The following TARBP1 variants were observed in gnomAD, a reference collection of about 807,000 sequenced individuals.
The protein encoded by TARBP1 is tRNA guanosine 2 -O-methyltransferase TARBP1, also known as tRNA (guanosine(18)-2'-O)-methyltransferase TARBP1.
Under a neutral mutation model 178.6 loss-of-function variants are expected in TARBP1, and 144 were observed. The ratio of observed to expected loss-of-function variants is 0.81; its 90% CI spans 0.70 to 0.93. TARBP1 has a LOEUF of 0.93. Ranked by LOEUF, TARBP1 falls within the 40% of genes least tolerant of loss-of-function variation. The pLI is 0.00. For missense variants in TARBP1, 2,067 were observed against 2,011.7 expected, an observed-to-expected ratio of 1.03 and a Z score of -0.53; for synonymous variants, 787 against 781.0, an observed-to-expected ratio of 1.01 and a Z score of -0.13.
intron 9 of TARBP1, among the ~76,000 whole-genome samples, chr1:234,455,366 G>T (rs1295711553): frequency 6.6e-6 from 1 of 152,104 alleles, no homozygotes; most frequent in East Asian, 1.9e-4. Context: ...CATTTATTGT[G>T]GCATTGTCTG....
At chr1:234,454,209 A>G (rs916488398) in intron 9 of TARBP1, among the ~76,000 whole-genome samples, 2 of 152,232 alleles carry the variant, frequency 1.3e-5, no homozygotes, top group Non-Finnish European at 2.9e-5. Context: ...TCCAGCTGGA[A>G]TAGAGTCCAC....
At chr1:234,404,230 C>CT (rs1466488023) in intron 24 of TARBP1, among the ~76,000 whole-genome samples, 1 of 152,114 alleles carries the variant, frequency 6.6e-6, no homozygotes, top group Non-Finnish European at 1.5e-5. Flanking sequence ...AAATGCCTAT[C>CT]TGCGTGTTAA....
rs1002944968 is a variant in TARBP1 at position 234,426,197 on chromosome 1, T to C, written c.3324-404A>G. On this transcript the variant is annotated intron_variant, in intron 19 of 29. Coordinates refer to ENST00000040877, the MANE Select transcript of TARBP1 (RefSeq NM_005646.4). ...ACACGTCAATGGCCTGTCTCTACCATGCACTATCGGTGCACATTCTCCAAC... is the reference window on the plus strand; with the variant it reads ...ACACGTCAATGGCCTGTCTCTACCACGCACTATCGGTGCACATTCTCCAAC... Among the ~76,000 whole-genome samples, 3 of 152,354 alleles carry C rather than the reference T, an allele frequency of 2.0e-5. No homozygotes were observed. The South Asian group carries it at 6.2e-4, about 32-fold the overall frequency.
Position 234,429,261 on chromosome 1 carries a change from A to G in TARBP1, c.2935T>C (p.Ser979Pro), listed in dbSNP as rs1254056084. The G allele has an allele frequency of 1.2e-5, 20 of 1,605,686 alleles. No individual in the cohort carries two copies. Among genetic ancestry groups the G allele is most frequent in the Non-Finnish European group, 1.7e-5 (20 of 1,178,082 alleles). The change falls in exon 17 of 30, where the codon TCT (serine) becomes CCT (proline). Residue 979 changes from serine to proline, a missense_variant. By Grantham distance (74) the Ser-to-Pro change is moderately conservative. Transcript: ENST00000040877. ...SFDMAWKIIS[S>P]LSNTQLIFWA... ...AATATCAGCTGAGTGTTGCTTAAAGAAGATATAATTTTCCACGCCATGTCA... is the reference window on the plus strand; with the variant it reads ...AATATCAGCTGAGTGTTGCTTAAAGGAGATATAATTTTCCACGCCATGTCA...
chr1:234,400,578 G>C (rs1200658209), intron 25 of TARBP1, among the ~76,000 whole-genome samples: 1 of 152,078 alleles, frequency 6.6e-6, no homozygotes, highest in African/African-American at 2.4e-5. Context: ...TTAAATTCAA[G>C]GGCAGCACAT....
intron 17 of TARBP1, 35 bp downstream of exon 17, chr1:234,429,101 G>A (rs764813571): frequency 2.0e-6 from 3 of 1,521,628 alleles, no homozygotes; most frequent in Non-Finnish European, 2.6e-6. Flanking sequence ...TCACACACAT[G>A]AAAAGAAAAG....
At position 234,406,004 on chromosome 1, in the gene TARBP1, TTTC is replaced by T; in HGVS notation, c.3885_3887del (p.Lys1296del). 3 of 1,613,926 alleles carry T rather than the reference TTTC, an allele frequency of 1.9e-6. No individual in the cohort carries two copies. The highest frequency in any genetic ancestry group is 2.5e-6 in the Non-Finnish European group (3 of 1,179,974). On this transcript the variant is annotated inframe_deletion, in exon 24 of 30. Transcript: ENST00000040877. The stretch of plus-strand genomic sequence containing the variant: ...TTAACACTTTACACACAGTCCAGAG[TTTC>T]TTAAGAGCAACTAAAGCATACAGTC...
chr1:234,448,510 A>G lies in TARBP1; in HGVS notation c.1931T>C (p.Val644Ala), dbSNP rs1666410690. The G allele has an allele frequency of 6.2e-7, 1 of 1,613,932 alleles. No individual in the cohort carries two copies. The highest frequency in any genetic ancestry group is 1.7e-5 in the Admixed American group (1 of 59,996). ...CTGAGTCTTCATTCCTTCCACATCC[A>G]CAGCCAGCAAGACCATCAGAGAAAC... ...KLVSLMVLLA[V>A]DVEGMKTQYS... Residue 644 changes from valine to alanine, a missense_variant, in exon 11 of 30, where the codon GTG becomes GCG. Coordinates refer to ENST00000040877, the MANE Select transcript of TARBP1 (RefSeq NM_005646.4).
At chr1:234,405,555 T>C (rs965997938) in intron 24 of TARBP1, 3 of 209,620 alleles carry the variant, frequency 1.4e-5, no homozygotes, top group Non-Finnish European at 2.9e-5. Flanking sequence ...AGATTAAAAG[T>C]ATGTCTTTAA....
chr1:234,448,305 CT>C (rs1377928665), intron 11 of TARBP1, among the ~76,000 whole-genome samples, 174 bp downstream of exon 11: 10 of 152,202 alleles, frequency 6.6e-5, no homozygotes, highest in African/African-American at 2.4e-4. Context: ...TAATATGCCC[CT>C]ATTCCTATTT....
Position 234,463,870 on chromosome 1 carries a change from T to C in TARBP1, c.1366A>G (p.Thr456Ala), listed in dbSNP as rs763282646. 3.7e-5 allele frequency: 59 copies of C among 1,595,656 alleles called. No homozygotes were observed. The South Asian group carries it at 6.7e-4, about 18-fold the overall frequency. The change falls in exon 6 of 30, where the codon ACT (threonine) becomes GCT (alanine). Residue 456 changes from threonine (T) to alanine (A), a missense_variant. By Grantham distance (58) the Thr-to-Ala change is moderately conservative. Transcript: ENST00000040877. ...TCTTCTGGAAGAAGAGAAATATAAGTGACTAAAAACTTCTGTAATTTCAGT... is the reference window on the plus strand; with the variant it reads ...TCTTCTGGAAGAAGAGAAATATAAGCGACTAAAAACTTCTGTAATTTCAGT... ...LGLKLQKFLV[T>A]YISLLPEEIK... is the part of the protein sequence containing the mutation.
At chr1:234,461,051 G>T (rs12126005) in intron 6 of TARBP1, among the ~76,000 whole-genome samples, 1 of 152,116 alleles carries the variant, frequency 6.6e-6, no homozygotes, top group African/African-American at 2.4e-5. Context: ...AATGAGAAGC[G>T]ACTATTAACA....
Position 234,467,611 on chromosome 1 carries a change from TA to T in TARBP1, c.1138del (p.Tyr380IlefsTer43). 1 of 1,608,524 alleles carries T rather than the reference TA, an allele frequency of 6.2e-7. No homozygotes were observed. The highest frequency in any genetic ancestry group is 8.5e-7 in the Non-Finnish European group (1 of 1,178,576). On this transcript the variant is annotated frameshift_variant, in exon 4 of 30. Transcript: ENST00000040877. LOFTEE classifies it high-confidence loss of function. Reference protein sequence around the residue: ...LFHPSWHMCIYKRMFESENKI... With the variant: ...LFHPSWHMCIXKRMFESENKI... ...GTTTTCACTTTCAAACATTCTTTTATAAATACACATATGCCAGGATGGGTGA... is the reference window on the plus strand; with the variant it reads ...GTTTTCACTTTCAAACATTCTTTTATAATACACATATGCCAGGATGGGTGA...
intron 9 of TARBP1, among the ~76,000 whole-genome samples, chr1:234,456,259 G>A (rs550252038): frequency 5.3e-4 from 80 of 152,376 alleles, no homozygotes; most frequent in African/African-American, 1.7e-3. Flanking sequence ...GGAGTGCAGT[G>A]GCACGATCTC....
intron 1 of TARBP1, among the ~76,000 whole-genome samples, chr1:234,476,470 G>A (rs190223432): frequency 6.6e-6 from 1 of 152,334 alleles, no homozygotes; most frequent in Admixed American, 6.5e-5. Flanking sequence ...ATCTGGGCAT[G>A]TAAGGGGACT....
At chr1:234,462,363 T>G (rs1240174824) in intron 6 of TARBP1, among the ~76,000 whole-genome samples, 1 of 152,152 alleles carries the variant, frequency 6.6e-6, no homozygotes, top group Non-Finnish European at 1.5e-5. Context: ...GCAGCCCAGA[T>G]GCTTAATTAA....
intron 9 of TARBP1, 149 bp from the exon 10 acceptor site, chr1:234,450,715 G>C (rs995720942): frequency 1.1e-6 from 1 of 875,028 alleles, no homozygotes; most frequent in African/African-American, 1.7e-5. Flanking sequence ...TCATACTTGA[G>C]TTCCACAGAC....
chr1:234,395,320 C>A (rs775037499), intron 26 of TARBP1, among the ~76,000 whole-genome samples: 14 of 152,156 alleles, frequency 9.2e-5, no homozygotes, highest in Non-Finnish European at 1.6e-4. Context: ...TTAGAAAAAT[C>A]TCTTTTAATA....
At position 234,478,249 on chromosome 1, in the gene TARBP1, G is replaced by A. The variant is rs202038691; in HGVS notation, c.855C>T (p.Arg285=). ...CCTCCACCGCCCTCTGCAGCAGGTA[G>A]CGCGCTCGCTTGCGCGTCAGGGCGT... is the stretch of plus-strand genomic sequence containing the variant. ...QADALTRKRA[R]YLLQRAVEVS... is the part of the protein sequence containing the mutation. The change falls in exon 1 of 30, where the codon CGC becomes CGT. Residue 285 remains arginine (R), a synonymous_variant. Coordinates refer to ENST00000040877, the MANE Select transcript of TARBP1 (RefSeq NM_005646.4). 2.4e-5 allele frequency: 39 copies of A among 1,609,366 alleles called. No homozygotes were observed. Among genetic ancestry groups the A allele is most frequent in the Non-Finnish European group, 3.2e-5 (38 of 1,178,816 alleles).
Sources: allele counts gnomAD v4.1 joint callset (sites outside exome capture counted in the v4.1 genomes callset), GRCh38; gene constraint gnomAD v4.1.1; transcripts MANE v1.5; gene names NCBI Gene and HGNC (gene_info 2026-07-23, HGNC 2026-07-21).